AXIN1: variants seen among roughly 807,000 people sequenced by gnomAD.
The protein encoded by AXIN1 is axin-1.
Under a neutral mutation model 76.4 loss-of-function variants are expected in AXIN1, and 30 were observed. That is an observed-to-expected ratio of 0.39 (90% confidence interval 0.29 to 0.53). The LOEUF is 0.53. Among genes scored for constraint, AXIN1 ranks in the 20% least tolerant of loss-of-function variants. The probability of loss-of-function intolerance (pLI) is 0.66; values close to 1 mark genes in which losing one functional copy is unlikely to be tolerated. For synonymous variants in AXIN1, 545 were observed against 501.4 expected (o/e 1.09, Z -1.16); for missense variants, 1,140 against 1,198.8 (o/e 0.95, Z 0.72).
intron 10 of AXIN1, 173 bp from the exon 11 acceptor site, chr16:288,421 C>T (rs970325564): frequency 4.2e-6 from 4 of 961,510 alleles, no homozygotes; most frequent in Admixed American, 2.1e-5. Flanking sequence ...GTGCAATGAC[C>T]ACATGTGGGT....
chr16:288,679 G>T (rs1314464481), intron 10 of AXIN1, among the ~76,000 whole-genome samples: 1 of 152,236 alleles, frequency 6.6e-6, no homozygotes, highest in East Asian at 1.9e-4. Context: ...GCCAGGCTCT[G>T]CCAGGCTCTT....
chr16:289,480 C>T lies in AXIN1; in HGVS notation c.2422G>A (p.Gly808Ser), dbSNP rs1335760716. 6.2e-7 allele frequency: 1 copy of T among 1,612,932 alleles called. No homozygotes were observed. Among genetic ancestry groups the T allele is most frequent in the Non-Finnish European group, 8.5e-7 (1 of 1,180,024 alleles). The part of the protein sequence containing the change: ...TLVRGRAVTL[G>S]QFKELLTKKG... The stretch of plus-strand genomic sequence containing the variant: ...TTGGTCAGCAGCTCCTTGAACTGGC[C>T]CAGGGTGACAGCGCGGCCCCTCACC... The change falls in exon 10 of 11, where the codon GGC (glycine) becomes AGC (serine). Residue 808 changes from glycine (G) to serine (S), a missense_variant. By Grantham distance (56) the Gly-to-Ser change is moderately conservative. Transcript: ENST00000262320.
chr16:332,607 ACTTAACAT>A (rs1597094013), intron 2 of AXIN1, among the ~76,000 whole-genome samples: 1 of 149,836 alleles, frequency 6.7e-6, no homozygotes, highest in Non-Finnish European at 1.5e-5. Flanking sequence ...AAAAAATTAC[ACTTAACAT>A]CTTAACATCT....
At chr16:335,906 A>G (rs570932259) in intron 2 of AXIN1, among the ~76,000 whole-genome samples, 26 of 152,364 alleles carry the variant, frequency 1.7e-4, no homozygotes, top group African/African-American at 6.3e-4. Flanking sequence ...AAAAACGGCC[A>G]TTATTAACTC....
chr16:347,458 G>A (rs186760406), intron 1 of AXIN1, among the ~76,000 whole-genome samples: 2 of 152,286 alleles, frequency 1.3e-5, no homozygotes, highest in East Asian at 3.9e-4. Flanking sequence ...CAGGAAGACC[G>A]GAGGAAGGAA....
intron 2 of AXIN1, among the ~76,000 whole-genome samples, chr16:328,818 G>T (rs979534163): frequency 5.9e-5 from 9 of 152,182 alleles, no homozygotes; most frequent in African/African-American, 1.9e-4. Context: ...GGCAGGCAGG[G>T]AGAGTGTGGC....
intron 2 of AXIN1, among the ~76,000 whole-genome samples, chr16:323,061 G>A (rs756015717): frequency 6.6e-6 from 1 of 152,214 alleles, no homozygotes; most frequent in Non-Finnish European, 1.5e-5. Context: ...ACTGAGGTAG[G>A]AGAGCTGCTT....
rs567594790 is a variant in AXIN1, at chr16:311,720, G to A, written c.1020-1651C>T. Among the ~76,000 whole-genome samples the A allele has an allele frequency of 5.3e-5, 8 of 152,208 alleles. No individual in the cohort carries two copies. In the South Asian group the frequency reaches 1.5e-3, roughly 28 times the overall value. On this transcript the variant is annotated intron_variant, in intron 3 of 10. Transcript: ENST00000262320. Reference sequence around the variant, plus strand: ...CGGGAGGCGGAGGTTGCAGTGAGGCGAGATTGTGCCACTGCACTCCAGTCT... The same window carrying A: ...CGGGAGGCGGAGGTTGCAGTGAGGCAAGATTGTGCCACTGCACTCCAGTCT...
chr16:313,419 T>G (rs763146438), intron 3 of AXIN1, among the ~76,000 whole-genome samples: 6 of 152,234 alleles, frequency 3.9e-5, no homozygotes, highest in Non-Finnish European at 5.9e-5. Flanking sequence ...TCCAGCCCTA[T>G]CCAGATCTCC....
At chr16:325,596 C>A (rs2053563578) in intron 2 of AXIN1, among the ~76,000 whole-genome samples, 1 of 152,236 alleles carries the variant, frequency 6.6e-6, no homozygotes, top group African/African-American at 2.4e-5. Flanking sequence ...CAGACCAGGG[C>A]TCAACCCACT....
intron 2 of AXIN1, among the ~76,000 whole-genome samples, chr16:329,344 T>G (rs1326748184): frequency 3.3e-5 from 5 of 152,010 alleles, no homozygotes; most frequent in Non-Finnish European, 7.4e-5. Flanking sequence ...GATCCCATTT[T>G]TGATGAAAAA....
intron 2 of AXIN1, among the ~76,000 whole-genome samples, chr16:341,703 C>A (rs550706826): frequency 1.7e-3 from 253 of 152,390 alleles, no homozygotes; most frequent in Admixed American, 2.9e-3. Flanking sequence ...GCCAGCTGGG[C>A]TCCTGATTCT....
chr16:315,465 C>T (rs2053278089), intron 2 of AXIN1, among the ~76,000 whole-genome samples: 1 of 152,176 alleles, frequency 6.6e-6, no homozygotes, highest in East Asian at 1.9e-4. Context: ...AACATTTTCT[C>T]CCTAAATGTC....
chr16:351,182 C>T (rs1288944815), intron 1 of AXIN1, among the ~76,000 whole-genome samples: 2 of 151,546 alleles, frequency 1.3e-5, no homozygotes, highest in African/African-American at 4.9e-5. Flanking sequence ...TCTCGGGTAG[C>T]CGGTTTAGAC....
intron 2 of AXIN1, among the ~76,000 whole-genome samples, chr16:342,997 G>A (rs2053960197): frequency 6.6e-6 from 1 of 152,162 alleles, no homozygotes; most frequent in Non-Finnish European, 1.5e-5. Flanking sequence ...ACGCAGCCTG[G>A]ACTTCATGCC....
At chr16:317,474 C>T (rs1050685442) in intron 2 of AXIN1, among the ~76,000 whole-genome samples, 1 of 152,242 alleles carries the variant, frequency 6.6e-6, no homozygotes, top group Non-Finnish European at 1.5e-5. Flanking sequence ...CTGCCAGGGC[C>T]GATGTCCACG....
intron 2 of AXIN1, among the ~76,000 whole-genome samples, chr16:320,743 A>ATAT (rs397722732): frequency 0.038 from 4,036 of 107,494 alleles, 130 homozygotes; most frequent in South Asian, 0.15. Flanking sequence ...ATATATATAT[A>ATAT]TTTTTTTTTT....
Position 298,006 on chromosome 16 carries a change from G to C in AXIN1, c.1500C>G (p.Ala500=). The C allele has an allele frequency of 6.3e-7, 1 of 1,599,034 alleles. No individual in the cohort carries two copies. The highest frequency in any genetic ancestry group is 8.5e-7 in the Non-Finnish European group (1 of 1,177,894). Residue 500 remains alanine, a synonymous_variant, in exon 6 of 11, where the codon GCC becomes GCG. Transcript: ENST00000262320. ...GHRSPDSGHV[A]KMPVALGGAA... is the part of the protein sequence containing the mutation. Reference sequence around the variant, plus strand: ...CACCCCCCAGTGCCACTGGCATCTTGGCCACGTGCCCACTGTCCGGGGAGC... The same window carrying C: ...CACCCCCCAGTGCCACTGGCATCTTCGCCACGTGCCCACTGTCCGGGGAGC...
chr16:309,938 G>C, intron 4 of AXIN1, 35 bp downstream of exon 4: 1 of 1,604,088 alleles, frequency 6.2e-7, no homozygotes, highest in Non-Finnish European at 8.5e-7. Context: ...GAGCGGGGAG[G>C]ACGATGGGCT....
Sources: allele counts gnomAD v4.1 joint callset (sites outside exome capture counted in the v4.1 genomes callset), GRCh38; gene constraint gnomAD v4.1.1; transcripts MANE v1.5; gene names NCBI Gene and HGNC (gene_info 2026-07-23, HGNC 2026-07-21).